TANC1: variants seen among roughly 807,000 people sequenced by gnomAD.
TANC1 encodes the protein protein TANC1.
A neutral mutation model predicts 149.7 loss-of-function variants in TANC1; 77 were observed. The ratio of observed to expected loss-of-function variants is 0.51; its 90% CI spans 0.43 to 0.62. The LOEUF (loss-of-function observed/expected upper bound fraction) is 0.62, where lower values mean the gene tolerates loss of function less well. Ranked by LOEUF, TANC1 falls within the 20% of genes least tolerant of loss-of-function variation. The probability of loss-of-function intolerance (pLI) is 0.00; values close to 1 mark genes in which losing one functional copy is unlikely to be tolerated. For synonymous variants in TANC1, 854 were observed against 925.0 expected (o/e 0.92, Z 1.39); for missense variants, 1,985 against 2,321.8 (o/e 0.85, Z 2.98).
chr2:158,992,033 ATGT>A (rs1203561016), intron 1 of TANC1, among the ~76,000 whole-genome samples: 1 of 152,072 alleles, frequency 6.6e-6, no homozygotes, highest in Non-Finnish European at 1.5e-5. Context: ...ATGTTAAGTG[ATGT>A]TATGTAAAGT....
At chr2:159,062,991 A>AAAAAAAAAAG (rs1553534848) in intron 2 of TANC1, among the ~76,000 whole-genome samples, 1 of 147,192 alleles carries the variant, frequency 6.8e-6, no homozygotes, top group Non-Finnish European at 1.5e-5. Context: ...AAAAAAAAAA[A>AAAAAAAAAAG]AAAAGAAAGC....
rs755094651 is a variant in TANC1, at chr2:159,163,436, G to C, written c.836G>C (p.Gly279Ala). ...CSPVAEEETTGSAESTLPKAE... is the reference protein window; with the variant it reads ...CSPVAEEETTASAESTLPKAE... The stretch of plus-strand genomic sequence containing the variant: ...CCAGTGGCAGAAGAGGAGACCACCG[G>C]GTCAGCAGAGAGCACGCTGCCCAAA... The change falls in exon 8 of 27, where the codon GGG (glycine) becomes GCG (alanine). Residue 279 changes from glycine (G) to alanine (A), a missense_variant. Transcript: ENST00000263635. 1 of 1,614,124 alleles carries C rather than the reference G, an allele frequency of 6.2e-7. No homozygotes were observed. Among genetic ancestry groups the C allele is most frequent in the South Asian group, 1.1e-5 (1 of 91,082 alleles).
At chr2:159,053,249 T>C (rs1403320216) in intron 2 of TANC1, among the ~76,000 whole-genome samples, 1 of 150,876 alleles carries the variant, frequency 6.6e-6, no homozygotes, top group Non-Finnish European at 1.5e-5. Flanking sequence ...ATTAAAAAAT[T>C]AAGCCTTCAA....
At chr2:159,058,094 G>A (rs2041982870) in intron 2 of TANC1, among the ~76,000 whole-genome samples, 1 of 152,172 alleles carries the variant, frequency 6.6e-6, no homozygotes. Flanking sequence ...GTAGCCATTG[G>A]CCTGGGAGAC....
At chr2:158,988,124 A>G (rs1210630977) in intron 1 of TANC1, among the ~76,000 whole-genome samples, 1 of 151,774 alleles carries the variant, frequency 6.6e-6, no homozygotes. Flanking sequence ...GGAGTTCAAG[A>G]CCAGCCTGGC....
At chr2:159,026,878 A>G (rs535182952) in intron 2 of TANC1, among the ~76,000 whole-genome samples, 1 of 152,224 alleles carries the variant, frequency 6.6e-6, no homozygotes, top group Non-Finnish European at 1.5e-5. Flanking sequence ...TGGGCCAGGG[A>G]TGGGAGGGAC....
intron 1 of TANC1, among the ~76,000 whole-genome samples, chr2:158,969,151 C>G (rs2032431771): frequency 6.6e-6 from 1 of 152,204 alleles, no homozygotes; most frequent in Non-Finnish European, 1.5e-5. Context: ...CGCGCCCGCT[C>G]GCCCCCTTTC....
At chr2:159,022,003 A>C (rs1425420015) in intron 2 of TANC1, among the ~76,000 whole-genome samples, 1 of 152,246 alleles carries the variant, frequency 6.6e-6, no homozygotes, top group Non-Finnish European at 1.5e-5. Context: ...AAATTAATGG[A>C]GAGATCAATG....
chr2:159,228,693 C>G, intron 25 of TANC1, 103 bp from the exon 26 acceptor site: 1 of 757,346 alleles, frequency 1.3e-6, no homozygotes, highest in Non-Finnish European at 2.3e-6. Flanking sequence ...CCCTCTCTGG[C>G]TGTGCCTCAG....
intron 16 of TANC1, among the ~76,000 whole-genome samples, chr2:159,187,873 G>A (rs973758956): frequency 6.6e-6 from 1 of 152,144 alleles, no homozygotes; most frequent in African/African-American, 2.4e-5. Context: ...ATATGTTAAT[G>A]AATTTCTGGG....
chr2:159,167,693 C>T (rs1011428112), intron 8 of TANC1, among the ~76,000 whole-genome samples: 15 of 152,104 alleles, frequency 9.9e-5, no homozygotes, highest in South Asian at 2.1e-4. Flanking sequence ...AGGCAGGGCA[C>T]GTGTTGGATT....
At chr2:159,070,214 T>C (rs2043025173) in intron 3 of TANC1, among the ~76,000 whole-genome samples, 2 of 152,328 alleles carry the variant, frequency 1.3e-5, no homozygotes, top group South Asian at 4.1e-4. Context: ...TCCATAATTA[T>C]GTAGACATTC....
At chr2:159,212,963 T>C (rs2059099018) in intron 19 of TANC1, among the ~76,000 whole-genome samples, 2 of 147,614 alleles carry the variant, frequency 1.4e-5, no homozygotes, top group African/African-American at 5.1e-5. Flanking sequence ...CAAAGATAAA[T>C]GGTTTGGGGA....
Position 159,149,236 on chromosome 2 carries a change from C to A in TANC1, c.459C>A (p.Ala153=), listed in dbSNP as rs752409605. The change falls in exon 6 of 27, where the codon GCC becomes GCA. Residue 153 remains alanine, a synonymous_variant. Coordinates refer to ENST00000263635, the MANE Select transcript of TANC1 (RefSeq NM_033394.3). ...TACTGGGAGAAGGGATCCCAAGTGC[C>A]ACACACATAACCATTGAAGACAAAA... The part of the protein sequence containing the change: ...GFLLGEGIPS[A]THITIEDKNE... 1 of 1,614,146 alleles carries A rather than the reference C, an allele frequency of 6.2e-7. No homozygotes were observed. The highest frequency in any genetic ancestry group is 8.5e-7 in the Non-Finnish European group (1 of 1,180,010).
chr2:159,001,733 C>G lies in TANC1; in HGVS notation c.-16+544C>G, dbSNP rs148093091. On this transcript the variant is annotated intron_variant, in intron 2 of 26. Coordinates refer to ENST00000263635, the MANE Select transcript of TANC1 (RefSeq NM_033394.3). This position sits in a 1 kb window ranked among gnomAD's most constrained non-coding sequence, Gnocchi z 4.3. ...TACAGATGAGGAATCTCAGGTTTAA[C>G]CAGATTAGGCAACTTGCCCAAGGTC... Among the ~76,000 whole-genome samples, 1,852 of 152,260 alleles carry G rather than the reference C, an allele frequency of 0.012. 17 individuals carry two copies. The highest frequency in any genetic ancestry group is 0.018 in the Non-Finnish European group (1,256 of 68,030).
chr2:159,060,161 G>A (rs2042141397), intron 2 of TANC1: 1 of 829,250 alleles, frequency 1.2e-6, no homozygotes, highest in East Asian at 1.2e-4. Context: ...TTCTAACACA[G>A]AGGATGTTTT....
intron 2 of TANC1, among the ~76,000 whole-genome samples, chr2:159,053,308 A>G (rs537946129): frequency 4.6e-5 from 7 of 152,008 alleles, no homozygotes; most frequent in Non-Finnish European, 1.0e-4. Flanking sequence ...AAATAAAGCT[A>G]TTGTCCTTGC....
Position 159,142,666 on chromosome 2 carries a change from G to GT in TANC1, c.364+6373dup, listed in dbSNP as rs552650669. Among the ~76,000 whole-genome samples, 535 of 151,278 alleles carry GT rather than the reference G, an allele frequency of 3.5e-3. 3 individuals carry two copies. The highest frequency in any genetic ancestry group is 0.012 in the African/African-American group (513 of 41,178). ...CTCGCTACTTTTAAAATGGAATATT[G>GT]TTTTTATTTGAAAGAATGACTGACA... On this transcript the variant is annotated intron_variant, in intron 5 of 26. Transcript: ENST00000263635.
chr2:159,086,840 A>G (rs1175336106), intron 3 of TANC1, among the ~76,000 whole-genome samples: 1 of 152,114 alleles, frequency 6.6e-6, no homozygotes, highest in Non-Finnish European at 1.5e-5. Flanking sequence ...TCCATTATAA[A>G]AGATTGTGTA....
Sources: allele counts gnomAD v4.1 joint callset (sites outside exome capture counted in the v4.1 genomes callset), GRCh38; gene constraint gnomAD v4.1.1; non-coding constraint Gnocchi (gnomAD v3.1); transcripts MANE v1.5; gene names NCBI Gene and HGNC (gene_info 2026-07-23, HGNC 2026-07-21).